Variants in PPP2R1A observed in about 807,000 individuals in gnomAD.
PPP2R1A encodes serine/threonine-protein phosphatase 2A 65 kDa regulatory subunit A alpha isoform.
A neutral mutation model predicts 67.1 loss-of-function variants in PPP2R1A; 15 were observed. The observed-to-expected ratio is 0.22, with a 90% confidence interval of 0.15 to 0.34. PPP2R1A has a LOEUF of 0.34. PPP2R1A is among the 10% of genes least tolerant of loss of function. The pLI, the probability that PPP2R1A is intolerant of heterozygous loss-of-function variation, is 1.00. For missense variants in PPP2R1A, 369 were observed against 775.0 expected, an observed-to-expected ratio of 0.48 and a Z score of 6.22; for synonymous variants, 337 against 325.0, an observed-to-expected ratio of 1.04 and a Z score of -0.40.
chr19:52,220,371 G>C, intron 11 of PPP2R1A, 122 bp downstream of exon 11: 1 of 1,022,790 alleles, frequency 9.8e-7, no homozygotes, highest in Middle Eastern at 2.9e-4. Flanking sequence ...CTGGATGCTC[G>C]TATGGACCAG....
At chr19:52,194,822 C>T (rs974530532) in intron 1 of PPP2R1A, among the ~76,000 whole-genome samples, 1 of 152,138 alleles carries the variant, frequency 6.6e-6, no homozygotes, top group African/African-American at 2.4e-5. Flanking sequence ...TTGGCTTGCT[C>T]ATTGTTCTGC....
intron 3 of PPP2R1A, among the ~76,000 whole-genome samples, chr19:52,207,270 G>A (rs2089613787): frequency 6.6e-6 from 1 of 152,202 alleles, no homozygotes; most frequent in Admixed American, 6.5e-5. Context: ...TGTAGCCCCT[G>A]CCTGGTATTT....
chr19:52,199,470 C>T (rs982465399), intron 1 of PPP2R1A, among the ~76,000 whole-genome samples: 10 of 152,132 alleles, frequency 6.6e-5, no homozygotes, highest in South Asian at 2.1e-4. Context: ...CGCCTGGCCT[C>T]CCCACAGTAT....
chr19:52,200,839 A>G (rs530553540), intron 1 of PPP2R1A, among the ~76,000 whole-genome samples: 1 of 152,224 alleles, frequency 6.6e-6, no homozygotes, highest in Non-Finnish European at 1.5e-5. Flanking sequence ...TCTGTCTCTT[A>G]GAAGGACACT....
intron 6 of PPP2R1A, among the ~76,000 whole-genome samples, chr19:52,215,477 G>T (rs1371287928): frequency 6.6e-6 from 1 of 152,126 alleles, no homozygotes; most frequent in Non-Finnish European, 1.5e-5. Flanking sequence ...TTTTGAATCA[G>T]GTAACAGAAA....
intron 1 of PPP2R1A, among the ~76,000 whole-genome samples, chr19:52,194,088 C>CAAA (rs915576804): frequency 9.3e-4 from 56 of 60,394 alleles, no homozygotes; most frequent in East Asian, 2.9e-3. Flanking sequence ...ACCCTGTCTC[C>CAAA]AAAAAAAAAA....
In PPP2R1A at chr19:52,214,954, G is replaced by C. The variant is rs918308801; in HGVS notation, c.808-825G>C. Among the ~76,000 whole-genome samples the C allele has an allele frequency of 2.0e-5, 3 of 152,148 alleles. No homozygotes were observed. The East Asian group carries it at 5.8e-4, about 29-fold the overall frequency. On this transcript the variant is annotated intron_variant, in intron 6 of 14. Transcript: ENST00000322088. ...TTGGCCAGGCTGGTCTCGAATTCCT[G>C]GCCTCAAGTGATCCACCCACCTCTG...
Position 52,211,139 on chromosome 19 carries a change from G to A in PPP2R1A, c.271-121G>A, listed in dbSNP as rs1442331740. On this transcript the variant is annotated intron_variant, in intron 3 of 14. Transcript: ENST00000322088. This position sits in a 1 kb window ranked among gnomAD's most constrained non-coding sequence, Gnocchi z 5.3. Reference sequence around the variant, plus strand: ...TTTAAAGGCTATTTTAATGAAGGTCGGGATGGGTAATAGGGAAGTTTTCTC... The same window carrying A: ...TTTAAAGGCTATTTTAATGAAGGTCAGGATGGGTAATAGGGAAGTTTTCTC... 1.2e-5 allele frequency: 10 copies of A among 843,120 alleles called. No homozygotes were observed. The highest frequency in any genetic ancestry group is 5.6e-5 in the Admixed American group (2 of 35,944). The allele number at this position is 843,120 out of a possible 1,614,324, so 52.2% of individuals were successfully genotyped here.
intron 1 of PPP2R1A, chr19:52,201,717 C>A: frequency 1.9e-6 from 1 of 532,238 alleles, no homozygotes. Context: ...TTCATAAGAC[C>A]CAAGGGATGC....
rs2122267579 is a variant in PPP2R1A at position 52,190,107 on chromosome 19, C to T, written c.11C>T (p.Ala4Val). 2 of 1,549,112 alleles carry T rather than the reference C, an allele frequency of 1.3e-6. No homozygotes were observed. Among genetic ancestry groups the T allele is most frequent in the Non-Finnish European group, 1.7e-6 (2 of 1,145,894 alleles). MAA[A>V]DGDDSLYPIA... is the part of the protein sequence containing the mutation. ...AGGGACGGAGCCAAGATGGCGGCGG[C>T]CGACGGCGACGACTCGCTGTACCCC... The change falls in exon 1 of 15, where the codon GCC (alanine) becomes GTC (valine). Residue 4 changes from alanine (A) to valine (V), a missense_variant. By Grantham distance (64) the Ala-to-Val change is moderately conservative. Coordinates refer to ENST00000322088, the MANE Select transcript of PPP2R1A (RefSeq NM_014225.6).
At chr19:52,201,179 G>T (rs1348631038) in intron 1 of PPP2R1A, 1 of 152,268 alleles carries the variant, frequency 6.6e-6, no homozygotes, top group East Asian at 1.9e-4. Flanking sequence ...AACTACGCCT[G>T]CAAAGACTGT....
Position 52,216,603 on chromosome 19 carries a change from G to A in PPP2R1A, c.1068G>A (p.Leu356=). ...TCATCATGGGTCTCTCTCCCATCTT[G>A]GGCAAAGACAACACCATCGAGCACC... ...ASVIMGLSPI[L]GKDNTIEHLL... The change falls in exon 9 of 15, where the codon TTG becomes TTA. Residue 356 remains leucine, a synonymous_variant. Transcript: ENST00000322088. The surrounding 1 kb of genome is among the most constrained non-coding windows in gnomAD (Gnocchi z 4.3). 6.2e-7 allele frequency: 1 copy of A among 1,614,124 alleles called. No individual in the cohort carries two copies. The highest frequency in any genetic ancestry group is 1.1e-5 in the South Asian group (1 of 91,074).
At chr19:52,204,309 C>T (rs2089580892) in intron 2 of PPP2R1A, among the ~76,000 whole-genome samples, 2 of 151,986 alleles carry the variant, frequency 1.3e-5, no homozygotes, top group East Asian at 1.9e-4. Context: ...GAAAGAGTGT[C>T]GGGATTTCTT....
chr19:52,201,175 G>A (rs961334402), intron 1 of PPP2R1A: 23 of 151,762 alleles, frequency 1.5e-4, no homozygotes, highest in Non-Finnish European at 2.9e-5. Flanking sequence ...ACTTAACTAC[G>A]CCTGCAAAGA....
In PPP2R1A at chr19:52,213,636, C is replaced by T. The variant is rs62109208; in HGVS notation, c.807+526C>T. Among the ~76,000 whole-genome samples the T allele has an allele frequency of 0.08, 12,188 of 151,466 alleles. 536 individuals carry two copies. The highest frequency in any genetic ancestry group is 0.12 in the Middle Eastern group (36 of 294). ...GGACTGGGATTACAGATGCCCACCACGACACCCGGCTAGTTTTTGTATTTT... is the reference window on the plus strand; with the variant it reads ...GGACTGGGATTACAGATGCCCACCATGACACCCGGCTAGTTTTTGTATTTT... On this transcript the variant is annotated intron_variant, in intron 6 of 14. Transcript: ENST00000322088. This position sits in a 1 kb window ranked among gnomAD's most constrained non-coding sequence, Gnocchi z 4.2.
At chr19:52,217,890 C>T (rs1253625907) in intron 9 of PPP2R1A, among the ~76,000 whole-genome samples, 1 of 151,782 alleles carries the variant, frequency 6.6e-6, no homozygotes, top group Non-Finnish European at 1.5e-5. Context: ...TGTGGGCAAG[C>T]GGAAGAGCCA....
chr19:52,213,783 G>A lies in PPP2R1A; in HGVS notation c.807+673G>A, dbSNP rs1978398618. 6.6e-6 allele frequency among the ~76,000 whole-genome samples: 1 copy of A among 152,002 alleles called. No homozygotes were observed. Among genetic ancestry groups the A allele is most frequent in the African/African-American group, 2.4e-5 (1 of 41,368 alleles). On this transcript the variant is annotated intron_variant, in intron 6 of 14. Transcript: ENST00000322088. The surrounding 1 kb of genome is among the most constrained non-coding windows in gnomAD (Gnocchi z 4.2). ...TTACAGGTGTTAGCCACCGCGCCCA[G>A]CCCCGGAAAGTTTAATTAACTGATC...
intron 1 of PPP2R1A, among the ~76,000 whole-genome samples, chr19:52,196,394 C>T (rs1442757313): frequency 1.3e-5 from 2 of 152,164 alleles, no homozygotes; most frequent in African/African-American, 4.8e-5. Context: ...CACAGAAATG[C>T]GGTTTTTTTG....
At chr19:52,217,433 C>G (rs1378866645) in intron 9 of PPP2R1A, among the ~76,000 whole-genome samples, 3 of 152,164 alleles carry the variant, frequency 2.0e-5, no homozygotes, top group Non-Finnish European at 4.4e-5. Flanking sequence ...CTCCTGATCT[C>G]AAGCAGTCCT....
Sources: allele counts gnomAD v4.1 joint callset (sites outside exome capture counted in the v4.1 genomes callset), GRCh38; gene constraint gnomAD v4.1.1; non-coding constraint Gnocchi (gnomAD v3.1); transcripts MANE v1.5; gene names NCBI Gene and HGNC (gene_info 2026-07-23, HGNC 2026-07-21).